Variants in TMEM65 observed in about 807,000 individuals in gnomAD.
TMEM65 encodes transmembrane protein 65.
Under a neutral mutation model 25.4 loss-of-function variants are expected in TMEM65, and 22 were observed. The ratio of observed to expected loss-of-function variants is 0.86; its 90% CI spans 0.62 to 1.23. The LOEUF is 1.23. Among genes scored for constraint, TMEM65 ranks in the 50% most tolerant of loss-of-function variants. The pLI, the probability that TMEM65 is intolerant of heterozygous loss-of-function variation, is 0.00. For missense variants in TMEM65, 262 were observed against 308.2 expected, an observed-to-expected ratio of 0.85 and a Z score of 1.12; for synonymous variants, 132 against 126.2, an observed-to-expected ratio of 1.05 and a Z score of -0.31.
rs1448862217 is a variant in TMEM65, at chr8:124,335,198, CA to C, written c.305-4407del. ...CAGAACTAAATACATATTAAACACA[CA>C]AAAAAATAACTTCAGTATGCAGAAA... On this transcript the variant is annotated intron_variant, in intron 1 of 6. Coordinates refer to ENST00000297632, the MANE Select transcript of TMEM65 (RefSeq NM_194291.3). 6.6e-5 allele frequency among the ~76,000 whole-genome samples: 10 copies of C among 152,066 alleles called. No homozygotes were observed. In the East Asian group the frequency reaches 1.9e-3, roughly 29 times the overall value.
In TMEM65 at chr8:124,307,964, G is replaced by A. The variant is rs1814113614; in HGVS notation, c.*5996C>T. 1 of 152,164 alleles carries A rather than the reference G, an allele frequency of 6.6e-6. No individual in the cohort carries two copies. The allele number at this position is 152,164 out of a possible 1,614,324, so 9.4% of individuals were successfully genotyped here. ...GCAGAAAGGGACAGGCTAATGCTAT[G>A]GGTTTTTGCAAATGCTGTTGGGTTT... On this transcript the variant is annotated 3_prime_UTR_variant, in exon 7 of 7. Coordinates refer to ENST00000297632, the MANE Select transcript of TMEM65 (RefSeq NM_194291.3).
At chr8:124,335,606 T>C (rs1205234653) in intron 1 of TMEM65, among the ~76,000 whole-genome samples, 1 of 152,102 alleles carries the variant, frequency 6.6e-6, no homozygotes, top group African/African-American at 2.4e-5. Flanking sequence ...ACTGATTTGG[T>C]AATTTAGTTG....
At position 124,312,122 on chromosome 8, in the gene TMEM65, C is replaced by T. The variant is rs1188217973; in HGVS notation, c.*1838G>A. The T allele has an allele frequency of 6.6e-6, 1 of 151,196 alleles. No homozygotes were observed. The highest frequency in any genetic ancestry group is 2.0e-4 in the East Asian group (1 of 5,092). 9.4% of individuals were successfully genotyped at this position (151,196 alleles called of 1,614,324 possible). On this transcript the variant is annotated 3_prime_UTR_variant, in exon 7 of 7. Transcript: ENST00000297632. ...GAAAGCACTTACACTTTACCCCACC[C>T]TTCCCCCCCCAAAAATTTAAGCACT...
chr8:124,356,534 T>A (rs2131223520), intron 1 of TMEM65, among the ~76,000 whole-genome samples: 1 of 152,290 alleles, frequency 6.6e-6, no homozygotes, highest in South Asian at 2.1e-4. Context: ...CCTTCCTTAT[T>A]GATACTCCCT....
chr8:124,355,188 A>T (rs953739176), intron 1 of TMEM65, among the ~76,000 whole-genome samples: 43 of 152,222 alleles, frequency 2.8e-4, no homozygotes, highest in Non-Finnish European at 3.2e-4. Context: ...CATAGCTACA[A>T]AATCAGGGTT....
At position 124,350,155 on chromosome 8, in the gene TMEM65, T is replaced by C. The variant is rs982756736; in HGVS notation, c.305-19363A>G. ...GTGTGTGTGTGTGTGTGTGTGTGCA[T>C]GTGTGTAAAAACACTATGCCCCTAT... On this transcript the variant is annotated intron_variant, in intron 1 of 6. Coordinates refer to ENST00000297632, the MANE Select transcript of TMEM65 (RefSeq NM_194291.3). 2.8e-4 allele frequency among the ~76,000 whole-genome samples: 43 copies of C among 151,172 alleles called. 1 individual carries two copies. Among genetic ancestry groups the C allele is most frequent in the Non-Finnish European group, 2.5e-4 (17 of 67,642 alleles).
At chr8:124,341,082 A>AAT (rs1288919142) in intron 1 of TMEM65, among the ~76,000 whole-genome samples, 1 of 152,036 alleles carries the variant, frequency 6.6e-6, no homozygotes, top group Non-Finnish European at 1.5e-5. Flanking sequence ...AATTCTAATT[A>AAT]ATATATATAC....
chr8:124,338,500 A>T (rs963633475), intron 1 of TMEM65, among the ~76,000 whole-genome samples: 15 of 152,062 alleles, frequency 9.9e-5, no homozygotes, highest in African/African-American at 3.4e-4. Context: ...TTATTTTTTT[A>T]ATGTTACACT....
chr8:124,344,175 A>G (rs566686169), intron 1 of TMEM65, among the ~76,000 whole-genome samples: 2 of 152,336 alleles, frequency 1.3e-5, no homozygotes, highest in South Asian at 2.1e-4. Context: ...CCATGTATCA[A>G]TAAGTGGAAA....
At chr8:124,364,389 C>T (rs1221745306) in intron 1 of TMEM65, among the ~76,000 whole-genome samples, 1 of 152,022 alleles carries the variant, frequency 6.6e-6, no homozygotes, top group African/African-American at 2.4e-5. Flanking sequence ...CAGACTAAGC[C>T]CAGCACATTT....
intron 1 of TMEM65, among the ~76,000 whole-genome samples, chr8:124,352,475 CATAAAATAAAATAAA>C (rs202063585): frequency 0.079 from 10,144 of 127,822 alleles, 747 homozygotes; most frequent in African/African-American, 0.2. Context: ...AATTTACTAT[CATAAAATAAAATAAA>C]ATAAAATAAA....
At chr8:124,369,950 TCTGA>T (rs1278538696) in intron 1 of TMEM65, among the ~76,000 whole-genome samples, 2 of 152,172 alleles carry the variant, frequency 1.3e-5, no homozygotes, top group Admixed American at 1.3e-4. Context: ...GAGATAAGCA[TCTGA>T]CTAACCATTG....
chr8:124,357,942 G>A lies in TMEM65; in HGVS notation c.304+13912C>T, dbSNP rs1374943301. 4.2e-5 allele frequency among the ~76,000 whole-genome samples: 6 copies of A among 143,212 alleles called. No individual in the cohort carries two copies. In the Admixed American group the frequency reaches 4.6e-4, roughly 11 times the overall value. 94.0% of individuals were successfully genotyped at this position (143,212 alleles called of 152,430 possible). A position where few individuals can be genotyped will look rare whatever the true frequency, so the allele number is the denominator to read the frequency against. ...CCTCCCAGGTTCAAATGATTCTCCT[G>A]CCTCAGCCTCCTGAGTAGCTTGGAT... is the stretch of plus-strand genomic sequence containing the variant. On this transcript the variant is annotated intron_variant, in intron 1 of 6. Coordinates refer to ENST00000297632, the MANE Select transcript of TMEM65 (RefSeq NM_194291.3).
At chr8:124,344,567 T>C (rs1423658044) in intron 1 of TMEM65, among the ~76,000 whole-genome samples, 2 of 152,170 alleles carry the variant, frequency 1.3e-5, no homozygotes, top group East Asian at 3.9e-4. Flanking sequence ...AGCTAACACC[T>C]CCTGCTGCAC....
intron 1 of TMEM65, among the ~76,000 whole-genome samples, chr8:124,368,740 T>A (rs983339650): frequency 1.3e-5 from 2 of 152,196 alleles, no homozygotes; most frequent in African/African-American, 4.8e-5. Flanking sequence ...CCAGCCCCAG[T>A]TAAGACTTCA....
At chr8:124,352,095 G>A (rs1464598579) in intron 1 of TMEM65, among the ~76,000 whole-genome samples, 3 of 152,162 alleles carry the variant, frequency 2.0e-5, no homozygotes, top group Non-Finnish European at 2.9e-5. Flanking sequence ...AAAGCAATGT[G>A]ATTGGTCATG....
chr8:124,350,459 T>C (rs548482635), intron 1 of TMEM65, among the ~76,000 whole-genome samples: 52 of 117,270 alleles, frequency 4.4e-4, no homozygotes, highest in African/African-American at 1.6e-3. Flanking sequence ...ACTCTCTCTC[T>C]TTCCCTCTCT....
intron 1 of TMEM65, among the ~76,000 whole-genome samples, chr8:124,339,210 AAAAAAAAAAAAAATATAT>A (rs1459255971): frequency 9.4e-5 from 4 of 42,690 alleles, no homozygotes; most frequent in African/African-American, 3.4e-4. Flanking sequence ...AAAAAAAAAA[AAAAAAAAAAAAAATATAT>A]ATATATATAT....
chr8:124,314,312 T>A (rs1407126378), intron 6 of TMEM65, among the ~76,000 whole-genome samples: 2 of 152,216 alleles, frequency 1.3e-5, no homozygotes, highest in Non-Finnish European at 2.9e-5. Flanking sequence ...TTTTCCAAAC[T>A]GCTACACAAA....
Sources: gnomAD v4.1 joint callset for allele counts (sites outside exome capture counted in the v4.1 genomes callset) on GRCh38, gnomAD v4.1.1 for gene constraint, MANE v1.5 for transcripts, NCBI Gene and HGNC (gene_info 2026-07-23, HGNC 2026-07-21) for gene names.